Variants in NCOR2 observed in about 807,000 individuals in gnomAD.
The protein encoded by NCOR2 is CTG repeat protein 26.
Under a neutral mutation model 262.9 loss-of-function variants are expected in NCOR2, and 81 were observed. The ratio of observed to expected loss-of-function variants is 0.31; its 90% CI spans 0.26 to 0.37. The LOEUF (loss-of-function observed/expected upper bound fraction) is 0.37, where lower values mean the gene tolerates loss of function less well. Ranked by LOEUF, NCOR2 falls within the 10% of genes least tolerant of loss-of-function variation. The probability of loss-of-function intolerance (pLI) is 1.00; values close to 1 mark genes in which losing one functional copy is unlikely to be tolerated. For synonymous variants in NCOR2, 1,659 were observed against 1,559.3 expected (o/e 1.06, Z -1.51); for missense variants, 3,385 against 3,621.4 (o/e 0.93, Z 1.68).
At chr12:124,387,925 TG>T in intron 16 of NCOR2, among the ~76,000 whole-genome samples, 1 of 134,414 alleles carries the variant, frequency 7.4e-6, no homozygotes, top group South Asian at 2.3e-4. Context: ...GCTCAGGGGG[TG>T]GGGTGAGGGT....
chr12:124,497,054 C>T (rs2048417807), upstream of NCOR2, among the ~76,000 whole-genome samples: 2 of 152,234 alleles, frequency 1.3e-5, no homozygotes, highest in Admixed American at 1.3e-4. This position sits in a 1 kb window ranked among gnomAD's most constrained non-coding sequence, Gnocchi z 4.2. Flanking sequence ...AGGTCGAAGC[C>T]TGCTCACTTC....
At chr12:124,509,993 G>A (rs2049300110) in intron 1 of NCOR2, among the ~76,000 whole-genome samples, 1 of 152,196 alleles carries the variant, frequency 6.6e-6, no homozygotes, top group African/African-American at 2.4e-5. Context: ...CCTAGGCCAG[G>A]TTGAGCAAGC....
chr12:124,554,741 C>G lies in NCOR2; in HGVS notation c.-165+12567G>C, dbSNP rs193287249. Among the ~76,000 whole-genome samples the G allele has an allele frequency of 4.7e-3, 719 of 152,374 alleles. 4 individuals carry two copies. Among genetic ancestry groups the G allele is most frequent in the African/African-American group, 0.017 (690 of 41,594 alleles). On this transcript the variant is annotated intron_variant, in intron 1 of 32. Transcript: ENST00000458234. ...CGCACAGTTCCGGGAGGTGCCGCTG[C>G]GGCAAGGGGGCAGCGCCCAGGGCCC...
At chr12:124,402,149 A>G (rs1173319126) in intron 14 of NCOR2, among the ~76,000 whole-genome samples, 3 of 152,158 alleles carry the variant, frequency 2.0e-5, no homozygotes, top group Non-Finnish European at 4.4e-5. Flanking sequence ...ATGAGCTATC[A>G]GTCTCTAAAG....
chr12:124,465,638 G>A lies in NCOR2; in HGVS notation c.705+535C>T, dbSNP rs115290238. 1.9e-3 allele frequency among the ~76,000 whole-genome samples: 292 copies of A among 152,238 alleles called. 2 individuals are homozygous for A. The highest frequency in any genetic ancestry group is 6.6e-3 in the African/African-American group (274 of 41,534). On this transcript the variant is annotated intron_variant, in intron 5 of 46. Transcript: ENST00000405201. ...AGAACTCAGGCCCTGTGGTCTGACAGCCCACAGGTTCAAATCCAGGTCCAA... is the reference window on the plus strand; with the variant it reads ...AGAACTCAGGCCCTGTGGTCTGACAACCCACAGGTTCAAATCCAGGTCCAA...
chr12:124,467,904 A>T, intron 4 of NCOR2, among the ~76,000 whole-genome samples: 1 of 23,440 alleles, frequency 4.3e-5, no homozygotes. Context: ...CTTCACCCTC[A>T]TCCTCATCAC....
At chr12:124,406,287 GA>G (rs1377831742) in intron 13 of NCOR2, among the ~76,000 whole-genome samples, 2 of 152,202 alleles carry the variant, frequency 1.3e-5, no homozygotes, top group African/African-American at 4.8e-5. Flanking sequence ...GCTTTCGTTA[GA>G]GCACTCTGCT....
chr12:124,401,693 G>T lies in NCOR2; in HGVS notation c.1640+711C>A, dbSNP rs71458841. 9.2e-3 allele frequency among the ~76,000 whole-genome samples: 1,408 copies of T among 152,348 alleles called. 16 individuals are homozygous for T. The highest frequency in any genetic ancestry group is 0.012 in the Non-Finnish European group (848 of 68,038). On this transcript the variant is annotated intron_variant, in intron 14 of 46. Coordinates refer to ENST00000405201, the Ensembl canonical transcript of NCOR2. ...CTGGGGCTCTCGCAGAAGTGACTGG[G>T]GAGAGTTTTACTGCGGGAGGCTCAG...
Position 124,495,062 on chromosome 12 carries a change from A to C in NCOR2, c.105+85T>G, listed in dbSNP as rs962166915. 2.4e-5 allele frequency: 37 copies of C among 1,512,538 alleles called. No individual in the cohort carries two copies. Among genetic ancestry groups the C allele is most frequent in the Admixed American group, 2.3e-4 (11 of 48,810 alleles). 93.7% of individuals were successfully genotyped at this position (1,512,538 alleles called of 1,614,324 possible). A position where few individuals can be genotyped will look rare whatever the true frequency, so the allele number is the denominator to read the frequency against. ...TCAGAGCCACATGAGCCTGGCTCCC[A>C]GGAGAAAGGAAGGGGTGAAGACTCA... On this transcript the variant is annotated intron_variant, in intron 1 of 46. Coordinates refer to ENST00000405201, the Ensembl canonical transcript of NCOR2. The surrounding 1 kb of genome is among the most constrained non-coding windows in gnomAD (Gnocchi z 4.4).
At chr12:124,473,435 G>A (rs866906979) in intron 3 of NCOR2, among the ~76,000 whole-genome samples, 3 of 152,296 alleles carry the variant, frequency 2.0e-5, no homozygotes, top group South Asian at 4.1e-4. Context: ...CTCCCGTGCT[G>A]GATGCTTCCT....
At chr12:124,408,763 A>AT (rs981826781) in intron 13 of NCOR2, among the ~76,000 whole-genome samples, 2 of 152,060 alleles carry the variant, frequency 1.3e-5, no homozygotes, top group Non-Finnish European at 2.9e-5. Flanking sequence ...AAAATAATAA[A>AT]TTTTTTTTAA....
At position 124,337,247 on chromosome 12, in the gene NCOR2, A is replaced by G. The variant is rs1054225363; in HGVS notation, c.5688-67T>C. On this transcript the variant is annotated intron_variant, in intron 37 of 46. Transcript: ENST00000405201. ...CCCTCTTCCTCCACCACCCTCGATG[A>G]GTCCCCATTGCCCTGGGATAAATCC... The G allele has an allele frequency of 8.7e-6, 13 of 1,501,496 alleles. 1 individual carries two copies. Among genetic ancestry groups the G allele is most frequent in the Middle Eastern group, 1.7e-4 (1 of 5,888 alleles). 93.0% of individuals were successfully genotyped at this position (1,501,496 alleles called of 1,614,324 possible).
chr12:124,363,236 A>T lies in NCOR2; in HGVS notation c.2928+443T>A, dbSNP rs541991169. ...GCCCCCAGTTGCAACTGGGAAGGCC[A>T]GACTCACCTCCCTGGAGAAGGCACC... On this transcript the variant is annotated intron_variant, in intron 21 of 46. Transcript: ENST00000405201. 9.8e-5 allele frequency among the ~76,000 whole-genome samples: 15 copies of T among 152,382 alleles called. 1 individual carries two copies. The South Asian group carries it at 3.1e-3, about 32-fold the overall frequency.
intron 27 of NCOR2, among the ~76,000 whole-genome samples, chr12:124,352,971 G>C (rs576826233): frequency 5.3e-5 from 8 of 152,336 alleles, no homozygotes; most frequent in Admixed American, 2.0e-4. Flanking sequence ...CACCTACTCA[G>C]TTAATAAACG....
chr12:124,482,757 A>T lies in NCOR2; in HGVS notation c.411+839T>A, dbSNP rs2047564107. On this transcript the variant is annotated intron_variant, in intron 3 of 46. Coordinates refer to ENST00000405201, the Ensembl canonical transcript of NCOR2. This position sits in a 1 kb window ranked among gnomAD's most constrained non-coding sequence, Gnocchi z 6.3. ...CACCTGCAATGCCAGGCAGCCCCCCATGGAGATGCAGACGAGCCTGAAGTT... is the reference window on the plus strand; with the variant it reads ...CACCTGCAATGCCAGGCAGCCCCCCTTGGAGATGCAGACGAGCCTGAAGTT... Among the ~76,000 whole-genome samples the T allele has an allele frequency of 6.6e-6, 1 of 152,100 alleles. No homozygotes were observed. The highest frequency in any genetic ancestry group is 1.5e-5 in the Non-Finnish European group (1 of 67,988).
chr12:124,485,772 C>T (rs1040151263), intron 2 of NCOR2, among the ~76,000 whole-genome samples: 1 of 152,348 alleles, frequency 6.6e-6, no homozygotes, highest in African/African-American at 2.4e-5. Flanking sequence ...CTCAACCTCG[C>T]AGCCTCAGCT....
intron 20 of NCOR2, among the ~76,000 whole-genome samples, chr12:124,371,638 G>A (rs921374680): frequency 6.6e-6 from 1 of 152,162 alleles, no homozygotes; most frequent in African/African-American, 2.4e-5. Context: ...GCTGCGTCTC[G>A]GCCTGCATGG....
chr12:124,342,621 G>T (rs2036549492), intron 33 of NCOR2, among the ~76,000 whole-genome samples: 1 of 152,122 alleles, frequency 6.6e-6, no homozygotes, highest in Non-Finnish European at 1.5e-5. Context: ...GCCTGCCTCG[G>T]CCTCCCAAAG....
intron 1 of NCOR2, among the ~76,000 whole-genome samples, chr12:124,511,706 C>T (rs754766760): frequency 1.3e-5 from 2 of 152,168 alleles, no homozygotes; most frequent in Non-Finnish European, 2.9e-5. Flanking sequence ...AGTCCAGACT[C>T]CCCGAATGGG....
Sources: allele counts gnomAD v4.1 joint callset (sites outside exome capture counted in the v4.1 genomes callset), GRCh38; gene constraint gnomAD v4.1.1; non-coding constraint Gnocchi (gnomAD v3.1); transcripts MANE v1.5; gene names NCBI Gene and HGNC (gene_info 2026-07-23, HGNC 2026-07-21).